Variants in KAZN observed in about 807,000 individuals in gnomAD.
KAZN encodes kazrin, periplakin interacting protein, also known as kazrin.
A neutral mutation model predicts 87.4 loss-of-function variants in KAZN; 40 were observed. That is an observed-to-expected ratio of 0.46 (90% confidence interval 0.36 to 0.60). The LOEUF is 0.60. Among genes scored for constraint, KAZN ranks in the 20% least tolerant of loss-of-function variants. The probability of loss-of-function intolerance (pLI) is 0.00; values close to 1 mark genes in which losing one functional copy is unlikely to be tolerated. For synonymous variants in KAZN, 466 were observed against 458.3 expected (o/e 1.02, Z -0.22); for missense variants, 898 against 1,073.9 (o/e 0.84, Z 2.29).
At chr1:14,660,905 A>G (rs921171198) in intron 1 of KAZN, among the ~76,000 whole-genome samples, 5 of 152,044 alleles carry the variant, frequency 3.3e-5, no homozygotes, top group South Asian at 2.1e-4. Context: ...CTGCACCTCT[A>G]TCTAATGGGC....
At chr1:14,610,187 A>G (rs1032016435) in intron 1 of KAZN, among the ~76,000 whole-genome samples, 2 of 147,552 alleles carry the variant, frequency 1.4e-5, no homozygotes, top group South Asian at 4.2e-4. Context: ...TTCTCTTCCA[A>G]TGACCTGTTT....
At chr1:14,675,428 C>T (rs74366618) in intron 1 of KAZN, among the ~76,000 whole-genome samples, 5,217 of 152,270 alleles carry the variant, frequency 0.034, 111 homozygotes, top group Middle Eastern at 0.082. Context: ...CTCTTATTTT[C>T]ACTGCTATTT....
At chr1:14,575,595 T>A (rs74757283) in intron 2 of KAZN, among the ~76,000 whole-genome samples, 66 of 152,088 alleles carry the variant, frequency 4.3e-4, no homozygotes, top group African/African-American at 1.5e-3. Context: ...AAAGAGGTAG[T>A]CAGGGAACCA....
chr1:14,084,919 T>C (rs1030972031), intron 1 of KAZN, among the ~76,000 whole-genome samples: 11 of 152,222 alleles, frequency 7.2e-5, no homozygotes, highest in African/African-American at 2.2e-4. Context: ...TGTGCATATA[T>C]ATGTGTGTGT....
At chr1:14,229,999 A>G (rs771120580) in intron 2 of KAZN, among the ~76,000 whole-genome samples, 17 of 152,228 alleles carry the variant, frequency 1.1e-4, no homozygotes, top group African/African-American at 2.7e-4. Flanking sequence ...AACCTTCCAC[A>G]GTGATGGAAA....
intron 1 of KAZN, among the ~76,000 whole-genome samples, chr1:14,683,663 ATCT>A (rs1640801869): frequency 6.6e-6 from 1 of 152,160 alleles, no homozygotes; most frequent in Non-Finnish European, 1.5e-5. Flanking sequence ...GGACTGTCTC[ATCT>A]TCTCCCCAGC....
intron 2 of KAZN, among the ~76,000 whole-genome samples, chr1:15,005,601 T>C (rs1005386439): frequency 6.6e-6 from 1 of 151,990 alleles, no homozygotes; most frequent in Non-Finnish European, 1.5e-5. Context: ...GCCTGGCCAA[T>C]GTGGCAAAAC....
At chr1:14,174,498 G>C (rs1435592261) in intron 1 of KAZN, among the ~76,000 whole-genome samples, 2 of 152,088 alleles carry the variant, frequency 1.3e-5, no homozygotes, top group African/African-American at 4.8e-5. Flanking sequence ...ATTATACAAG[G>C]CAGGCTCTAA....
intron 1 of KAZN, among the ~76,000 whole-genome samples, chr1:14,910,336 C>T (rs1657116580): frequency 6.6e-6 from 1 of 152,180 alleles, no homozygotes; most frequent in Admixed American, 6.5e-5. Flanking sequence ...ATGTGGGTGC[C>T]CTACCAACTC....
chr1:14,924,440 G>C lies in KAZN; in HGVS notation c.227-36244G>C, dbSNP rs1167981058. The C allele has an allele frequency of 5.1e-6, 5 of 988,452 alleles. No homozygotes were observed. In the African/African-American group the frequency reaches 7.0e-5, roughly 14 times the overall value. 61.2% of individuals were successfully genotyped at this position (988,452 alleles called of 1,614,324 possible). A position where few individuals can be genotyped will look rare whatever the true frequency, so the allele number is the denominator to read the frequency against. ...GCAGGGCGAGCCGGCGCCTTCCTGC[G>C]GGGCGGGGGCCGGGCCCGCGCGGCC... On this transcript the variant is annotated intron_variant, in intron 1 of 14. Transcript: ENST00000376030.
At chr1:14,945,624 T>C (rs995146039) in intron 1 of KAZN, among the ~76,000 whole-genome samples, 1 of 152,236 alleles carries the variant, frequency 6.6e-6, no homozygotes, top group South Asian at 2.1e-4. Context: ...TTAGTGACTT[T>C]ATTGCTAAAC....
intron 1 of KAZN, among the ~76,000 whole-genome samples, chr1:14,867,898 C>T (rs949959345): frequency 2.6e-5 from 4 of 152,260 alleles, no homozygotes; most frequent in Non-Finnish European, 5.9e-5. Flanking sequence ...AGGAGACAGA[C>T]ATGACCTGGC....
At chr1:14,179,059 C>T (rs187469909) in intron 1 of KAZN, among the ~76,000 whole-genome samples, 1 of 152,264 alleles carries the variant, frequency 6.6e-6, no homozygotes, top group Admixed American at 6.5e-5. Context: ...ATTTGGCCTG[C>T]AGCTCCCCTG....
intron 1 of KAZN, among the ~76,000 whole-genome samples, chr1:13,944,761 T>C (rs1641071508): frequency 6.6e-6 from 1 of 152,078 alleles, no homozygotes; most frequent in African/African-American, 2.4e-5. Flanking sequence ...AGAGGGATAA[T>C]TGTAATTAAA....
intron 1 of KAZN, among the ~76,000 whole-genome samples, chr1:14,777,866 T>G (rs902265418): frequency 2.6e-5 from 4 of 152,166 alleles, no homozygotes; most frequent in African/African-American, 9.7e-5. Flanking sequence ...CTTCCTGCAT[T>G]GCCGTGGCAT....
chr1:14,006,898 G>T (rs564241520), intron 1 of KAZN, among the ~76,000 whole-genome samples: 4 of 152,238 alleles, frequency 2.6e-5, no homozygotes, highest in African/African-American at 9.6e-5. Context: ...AGAGAATGCA[G>T]TGGGTCTCTA....
intron 1 of KAZN, among the ~76,000 whole-genome samples, chr1:14,694,001 T>C (rs1414464809): frequency 3.3e-5 from 5 of 152,196 alleles, no homozygotes; most frequent in Admixed American, 6.5e-5. Flanking sequence ...GTGGTGTGGT[T>C]TTAGCACCAA....
intron 1 of KAZN, among the ~76,000 whole-genome samples, chr1:14,176,717 G>A (rs1013126454): frequency 1.3e-5 from 2 of 152,134 alleles, no homozygotes; most frequent in African/African-American, 4.8e-5. Flanking sequence ...TGTATGCTCA[G>A]TCCTCCAAGT....
chr1:14,687,557 CAG>C (rs1469441138), intron 1 of KAZN, among the ~76,000 whole-genome samples: 5 of 152,144 alleles, frequency 3.3e-5, no homozygotes, highest in Non-Finnish European at 7.3e-5. Flanking sequence ...GCAAAGAGTC[CAG>C]AGGTGCATTA....
Sources: gnomAD v4.1 joint callset for allele counts (sites outside exome capture counted in the v4.1 genomes callset) on GRCh38, gnomAD v4.1.1 for gene constraint, MANE v1.5 for transcripts, NCBI Gene and HGNC (gene_info 2026-07-23, HGNC 2026-07-21) for gene names.